Variants in ST7 observed in about 807,000 individuals in gnomAD.
ST7 encodes the protein suppression of tumorigenicity 7.
Under a neutral mutation model 78.7 loss-of-function variants are expected in ST7, and 28 were observed. The ratio of observed to expected loss-of-function variants is 0.36; its 90% CI spans 0.26 to 0.49. The LOEUF is 0.49. ST7 is among the 20% of genes least tolerant of loss of function. The probability of loss-of-function intolerance (pLI) is 0.99; values close to 1 mark genes in which losing one functional copy is unlikely to be tolerated. For missense variants in ST7, 418 were observed against 696.0 expected (o/e 0.60, Z 4.49); for synonymous variants, 247 against 249.6 (o/e 0.99, Z 0.10).
intron 1 of ST7, among the ~76,000 whole-genome samples, chr7:116,970,491 A>G (rs1362991283): frequency 3.9e-5 from 6 of 152,184 alleles, no homozygotes; most frequent in South Asian, 4.1e-4. Context: ...TGGTTTGCAG[A>G]TGGCCTTCTC....
rs535699316 is a variant in ST7 at position 117,157,636 on chromosome 7, T to C, written c.964-13226T>C. 5.3e-5 allele frequency among the ~76,000 whole-genome samples: 8 copies of C among 152,316 alleles called. 1 individual carries two copies. The highest frequency in any genetic ancestry group is 1.9e-4 in the African/African-American group (8 of 41,568). On this transcript the variant is annotated intron_variant, in intron 9 of 15. Transcript: ENST00000323984. ...GAATAGAATTATTTACTATTACCCA[T>C]GTGAATGTGGAAGGATGCCTGCCAA...
chr7:117,223,608 A>G (rs906193090), intron 15 of ST7: 1 of 152,700 alleles, frequency 6.5e-6, no homozygotes, highest in African/African-American at 2.4e-5. Context: ...AATGCCCTTC[A>G]CTGTCACCAC....
At chr7:117,100,729 A>T (rs1388773184) in intron 2 of ST7, among the ~76,000 whole-genome samples, 1 of 152,156 alleles carries the variant, frequency 6.6e-6, no homozygotes, top group Non-Finnish European at 1.5e-5. Context: ...TAACAGTTGC[A>T]GGTGTGCTAA....
chr7:117,123,134 A>T (rs1448504185), intron 3 of ST7, among the ~76,000 whole-genome samples: 1 of 152,160 alleles, frequency 6.6e-6, no homozygotes, highest in Admixed American at 6.6e-5. Context: ...AGTCTCATGG[A>T]TGTTGGCAAA....
chr7:117,006,297 C>G (rs1293693786), intron 1 of ST7, among the ~76,000 whole-genome samples: 1 of 152,232 alleles, frequency 6.6e-6, no homozygotes, highest in African/African-American at 2.4e-5. Flanking sequence ...TTCCTTCTTA[C>G]CATCCTTGTG....
rs1443366273 is a variant in ST7, at chr7:117,190,807, G to T, written c.1152-27G>T. 6.2e-7 allele frequency: 1 copy of T among 1,603,038 alleles called. No individual in the cohort carries two copies. Among genetic ancestry groups the T allele is most frequent in the South Asian group, 1.1e-5 (1 of 90,826 alleles). Reference sequence around the variant, plus strand: ...GATGCCCAAGCAGTGGTCCCACCTGGATGGTTTTTGTCTTTCTGCTTTTCA... The same window carrying T: ...GATGCCCAAGCAGTGGTCCCACCTGTATGGTTTTTGTCTTTCTGCTTTTCA... On this transcript the variant is annotated intron_variant, in intron 11 of 15. Coordinates refer to ENST00000323984, the MANE Select transcript of ST7 (RefSeq NM_001369598.1). The surrounding 1 kb of genome is among the most constrained non-coding windows in gnomAD (Gnocchi z 5.2).
intron 1 of ST7, among the ~76,000 whole-genome samples, chr7:117,032,202 T>C (rs1796636683): frequency 6.6e-6 from 1 of 152,022 alleles, no homozygotes; most frequent in African/African-American, 2.4e-5. Flanking sequence ...ATTTTTAAAA[T>C]TAAAAAAAGA....
chr7:117,077,245 A>C (rs1359485363), intron 1 of ST7, among the ~76,000 whole-genome samples: 1 of 152,154 alleles, frequency 6.6e-6, no homozygotes, highest in Non-Finnish European at 1.5e-5. Context: ...GGGGCAGACC[A>C]TGGGCAGTTT....
At chr7:116,961,935 AC>A (rs954331787) in intron 1 of ST7, among the ~76,000 whole-genome samples, 5 of 136,608 alleles carry the variant, frequency 3.7e-5, no homozygotes, top group African/African-American at 5.5e-5. Context: ...CCCTCCCCTC[AC>A]CCCCCCACCC....
intron 1 of ST7, among the ~76,000 whole-genome samples, chr7:117,054,107 C>T (rs1446750937): frequency 6.6e-6 from 1 of 151,914 alleles, no homozygotes; most frequent in Non-Finnish European, 1.5e-5. Context: ...CAAAGTGCTG[C>T]GATTACAGGC....
chr7:116,954,975 A>G, intron 1 of ST7: 1 of 345,710 alleles, frequency 2.9e-6, no homozygotes, highest in South Asian at 2.3e-5. Context: ...GTTTTGTAGT[A>G]TCCCTCGGGA....
At chr7:116,961,480 C>G (rs1792818520) in intron 1 of ST7, among the ~76,000 whole-genome samples, 1 of 151,918 alleles carries the variant, frequency 6.6e-6, no homozygotes, top group South Asian at 2.1e-4. Context: ...CTTGTGTCAT[C>G]TCTGATCTCT....
chr7:116,986,178 G>T (rs1337033936), intron 1 of ST7, among the ~76,000 whole-genome samples: 1 of 152,212 alleles, frequency 6.6e-6, no homozygotes, highest in East Asian at 1.9e-4. Context: ...GAGCATTCTG[G>T]GTTGTGTGAG....
intron 7 of ST7, 48 bp from the exon 8 acceptor site, chr7:117,136,033 C>T (rs1804765213): frequency 6.3e-7 from 1 of 1,597,312 alleles, no homozygotes; most frequent in Admixed American, 1.7e-5. Flanking sequence ...AGTCTATTAC[C>T]ATGTCCTTGG....
At position 116,970,352 on chromosome 7, in the gene ST7, G is replaced by A. The variant is rs1793353995; in HGVS notation, c.151+16661G>A. On this transcript the variant is annotated intron_variant, in intron 1 of 15. Coordinates refer to ENST00000323984, the MANE Select transcript of ST7 (RefSeq NM_001369598.1). ...ATAAGTTTTGTGCTTAGTCAGTTTA[G>A]GCTACTCTAACAAATATACCATAGG... Among the ~76,000 whole-genome samples, 6 of 152,280 alleles carry A rather than the reference G, an allele frequency of 3.9e-5. No individual in the cohort carries two copies. The South Asian group carries it at 1.2e-3, about 32-fold the overall frequency.
At chr7:117,161,844 C>A (rs1240243483) in intron 9 of ST7, among the ~76,000 whole-genome samples, 2 of 152,070 alleles carry the variant, frequency 1.3e-5, no homozygotes, top group East Asian at 3.9e-4. Flanking sequence ...AAATTATCTG[C>A]CTGCCTTGGC....
intron 1 of ST7, among the ~76,000 whole-genome samples, chr7:117,093,682 C>T (rs1419308735): frequency 1.6e-4 from 25 of 152,110 alleles, no homozygotes; most frequent in African/African-American, 4.8e-4. Context: ...GCCTGGGCGA[C>T]GGAGTGAGAC....
At chr7:117,132,988 G>A (rs1173293202) in intron 6 of ST7, among the ~76,000 whole-genome samples, 2 of 151,832 alleles carry the variant, frequency 1.3e-5, no homozygotes, top group African/African-American at 4.8e-5. Context: ...TCTCCATTTG[G>A]ATCTTAAGAA....
chr7:117,032,076 T>G (rs1047247127), intron 1 of ST7, among the ~76,000 whole-genome samples: 2 of 151,756 alleles, frequency 1.3e-5, no homozygotes, highest in African/African-American at 4.8e-5. Flanking sequence ...GAGATGAGGT[T>G]TAGCCATGTT....
Sources: gnomAD v4.1 joint callset for allele counts (sites outside exome capture counted in the v4.1 genomes callset) on GRCh38, gnomAD v4.1.1 for gene constraint, Gnocchi (gnomAD v3.1) non-coding constraint, MANE v1.5 for transcripts, NCBI Gene and HGNC (gene_info 2026-07-23, HGNC 2026-07-21) for gene names.